The following IK variants were observed in gnomAD, a reference collection of about 807,000 sequenced individuals.
The protein encoded by IK is IK cytokine, also known as protein Red.
A neutral mutation model predicts 90.9 loss-of-function variants in IK; 47 were observed. That is an observed-to-expected ratio of 0.52 (90% CI 0.41 to 0.66). The LOEUF is 0.66. IK is among the 30% of genes least tolerant of loss of function. The pLI is 0.00. For synonymous variants in IK, 201 were observed against 227.5 expected (o/e 0.88, Z 1.05); for missense variants, 385 against 709.3 (o/e 0.54, Z 5.19).
Position 140,657,627 on chromosome 5 carries a change from G to C in IK, c.875G>C (p.Gly292Ala). The C allele has an allele frequency of 6.2e-7, 1 of 1,613,260 alleles. No individual in the cohort carries two copies. Among genetic ancestry groups the C allele is most frequent in the Non-Finnish European group, 8.5e-7 (1 of 1,179,440 alleles). ...CAGATCCTTTCATACCTGAGGCAGGGAACCCGTAACAAGAAGCTTAAGAAG... is the reference window on the plus strand; with the variant it reads ...CAGATCCTTTCATACCTGAGGCAGGCAACCCGTAACAAGAAGCTTAAGAAG... ...LTQILSYLRQGTRNKKLKKKD... is the reference protein window; with the variant it reads ...LTQILSYLRQATRNKKLKKKD... The change falls in exon 10 of 20, where the codon GGA becomes GCA. Residue 292 changes from glycine to alanine, a missense_variant. Transcript: ENST00000417647.
rs560622619 is a variant in IK at position 140,659,712 on chromosome 5, AGAGCCTCAGTTCAAG to A, written c.1196-42_1196-28del. The A allele has an allele frequency of 4.5e-4, 559 of 1,254,590 alleles. 1 individual carries two copies. In the African/African-American group the frequency reaches 7.8e-3, roughly 17 times the overall value. 77.7% of individuals were successfully genotyped at this position (1,254,590 alleles called of 1,614,324 possible). On this transcript the variant is annotated intron_variant, in intron 13 of 19. Transcript: ENST00000417647. ...AGTGTGTTGTGGGGAGGAGGTTGTG[AGAGCCTCAGTTCAAG>A]GTCTGGGCTGAGTTCTCTTTTCTCC...
Position 140,662,424 on chromosome 5 carries a change from G to A in IK, c.*95G>A. 7.5e-7 allele frequency: 1 copy of A among 1,334,972 alleles called. No individual in the cohort carries two copies. The allele number at this position is 1,334,972 out of a possible 1,614,324, so 82.7% of individuals were successfully genotyped here. ...GGTTGCAAGATGTTTTTTTGTGGAT[G>A]AATATAAAATTTTATTGTGTAATTA... On this transcript the variant is annotated 3_prime_UTR_variant, in exon 20 of 20. Coordinates refer to ENST00000417647, the MANE Select transcript of IK (RefSeq NM_006083.4).
chr5:140,661,874 A>G lies in IK; in HGVS notation c.1503-25A>G. Reference sequence around the variant, plus strand: ...GCCACTGCTATGCAATCTCTGATGCATTCTTTCCCAACTGCTTTTTTCAGG... The same window carrying G: ...GCCACTGCTATGCAATCTCTGATGCGTTCTTTCCCAACTGCTTTTTTCAGG... On this transcript the variant is annotated intron_variant, in intron 17 of 19. Transcript: ENST00000417647. This position sits in a 1 kb window ranked among gnomAD's most constrained non-coding sequence, Gnocchi z 4.2. 1 of 1,581,416 alleles carries G rather than the reference A, an allele frequency of 6.3e-7. No homozygotes were observed.
chr5:140,655,029 G>T (rs978964030), intron 8 of IK, among the ~76,000 whole-genome samples: 1 of 151,752 alleles, frequency 6.6e-6, no homozygotes, highest in African/African-American at 2.4e-5. Flanking sequence ...TGCCCAGGCC[G>T]GTCTCAAACT....
In IK at chr5:140,647,862, G is replaced by T. The variant is rs1757502984; in HGVS notation, c.-47G>T. 6.2e-7 allele frequency: 1 copy of T among 1,612,308 alleles called. No homozygotes were observed. Among genetic ancestry groups the T allele is most frequent in the Admixed American group, 1.7e-5 (1 of 60,000 alleles). On this transcript the variant is annotated 5_prime_UTR_variant, in exon 1 of 20. Coordinates refer to ENST00000417647, the MANE Select transcript of IK (RefSeq NM_006083.4). ...GGAAAGAGCTTGTCGCTGCGGTGTTGCTGTTGGAGACTCGATTGTTGGTGA... is the reference window on the plus strand; with the variant it reads ...GGAAAGAGCTTGTCGCTGCGGTGTTTCTGTTGGAGACTCGATTGTTGGTGA...
At position 140,662,004 on chromosome 5, in the gene IK, T is replaced by C. The variant is rs61753958; in HGVS notation, c.1608T>C (p.Ser536=). ...TTGATCGCCAGTGGAAGAAGATTAG[T>C]GCAGTAAGTAGGATGGCCCCTTGGG... ...AELDRQWKKI[S]AIIEKRKKME... The change falls in exon 18 of 20, where the codon AGT becomes AGC. Residue 536 remains serine, a synonymous_variant. Transcript: ENST00000417647. 1,140 of 1,604,204 alleles carry C rather than the reference T, an allele frequency of 7.1e-4. 7 individuals are homozygous for C. In the African/African-American group the frequency reaches 0.014, roughly 19 times the overall value.
At chr5:140,654,906 C>T (rs1757680683) in intron 8 of IK, among the ~76,000 whole-genome samples, 179 bp downstream of exon 8, 1 of 152,072 alleles carries the variant, frequency 6.6e-6, no homozygotes, top group Non-Finnish European at 1.5e-5. Context: ...TGGCTCAGTG[C>T]AGCCTTGACC....
At chr5:140,649,425 G>T (rs1757575402) in intron 2 of IK, among the ~76,000 whole-genome samples, 1 of 150,780 alleles carries the variant, frequency 6.6e-6, no homozygotes, top group Non-Finnish European at 1.5e-5. Flanking sequence ...GTGTTCGTCA[G>T]GCTGGTCTTG....
intron 10 of IK, 110 bp downstream of exon 10, chr5:140,657,772 C>T: frequency 1.4e-6 from 1 of 699,786 alleles, no homozygotes; most frequent in Non-Finnish European, 2.5e-6. Context: ...TCCTGGGAAG[C>T]AGAGAAAAAT....
chr5:140,653,274 C>T, intron 5 of IK, 130 bp downstream of exon 5: 1 of 630,178 alleles, frequency 1.6e-6, no homozygotes, highest in Non-Finnish European at 2.6e-6. Context: ...TTGCCACCCA[C>T]AAAGGGCTGT....
At chr5:140,651,916 C>A in intron 3 of IK, 110 bp downstream of exon 3, 1 of 845,296 alleles carries the variant, frequency 1.2e-6, no homozygotes, top group Non-Finnish European at 2.0e-6. Flanking sequence ...TTATGATACT[C>A]TCTAAAGTTT....
In IK at chr5:140,647,849, T is replaced by G; in HGVS notation, c.-60T>G. On this transcript the variant is annotated 5_prime_UTR_variant, in exon 1 of 20. Transcript: ENST00000417647. Reference sequence around the variant, plus strand: ...GAGGTGCACTGTGGGAAAGAGCTTGTCGCTGCGGTGTTGCTGTTGGAGACT... The same window carrying G: ...GAGGTGCACTGTGGGAAAGAGCTTGGCGCTGCGGTGTTGCTGTTGGAGACT... 6.2e-7 allele frequency: 1 copy of G among 1,605,554 alleles called. No individual in the cohort carries two copies. The highest frequency in any genetic ancestry group is 8.5e-7 in the Non-Finnish European group (1 of 1,172,220).
At chr5:140,655,110 T>G (rs528528274) in intron 8 of IK, among the ~76,000 whole-genome samples, 8 of 152,238 alleles carry the variant, frequency 5.3e-5, no homozygotes, top group African/African-American at 9.6e-5. Context: ...CCAAAACAAC[T>G]AACTCCCATA....
chr5:140,651,887 T>G, intron 3 of IK, 81 bp downstream of exon 3: 1 of 948,700 alleles, frequency 1.1e-6, no homozygotes, highest in Non-Finnish European at 1.7e-6. Flanking sequence ...AGAATGACTT[T>G]TAATAGTCCC....
Position 140,652,163 on chromosome 5 carries a change from A to G in IK, c.236+16A>G, listed in dbSNP as rs747352464. ...AAAAGAAAAGGTGAAGGAAGGGTGAAGGGTTTTAGATTTTAAGGTGGATAG... is the reference window on the plus strand; with the variant it reads ...AAAAGAAAAGGTGAAGGAAGGGTGAGGGGTTTTAGATTTTAAGGTGGATAG... On this transcript the variant is annotated intron_variant, in intron 4 of 19. Coordinates refer to ENST00000417647, the MANE Select transcript of IK (RefSeq NM_006083.4). 8.1e-6 allele frequency: 13 copies of G among 1,604,016 alleles called. No homozygotes were observed. The highest frequency in any genetic ancestry group is 1.1e-5 in the Non-Finnish European group (13 of 1,170,938).
intron 12 of IK, 63 bp from the exon 13 acceptor site, chr5:140,659,252 G>A (rs1365310495): frequency 5.6e-6 from 9 of 1,612,964 alleles, no homozygotes; most frequent in Admixed American, 1.7e-5. Flanking sequence ...TTTCAAACTT[G>A]GGGGAGGGAT....
intron 2 of IK, among the ~76,000 whole-genome samples, chr5:140,649,898 T>C (rs983841163): frequency 2.6e-5 from 4 of 152,246 alleles, no homozygotes; most frequent in Non-Finnish European, 5.9e-5. Context: ...CAACATTGCT[T>C]TGTGATTTAA....
chr5:140,656,218 A>G (rs1298089559), intron 9 of IK, among the ~76,000 whole-genome samples: 1 of 152,172 alleles, frequency 6.6e-6, no homozygotes, highest in Non-Finnish European at 1.5e-5. Flanking sequence ...TTAGAGACCA[A>G]GTCTCACTCT....
At chr5:140,653,745 C>T (rs1217880184) in intron 5 of IK, among the ~76,000 whole-genome samples, 193 bp from the exon 6 acceptor site, 1 of 152,036 alleles carries the variant, frequency 6.6e-6, no homozygotes, top group African/African-American at 2.4e-5. Context: ...GCTGGGACTA[C>T]AGGCGCCCAC....
Sources: gnomAD v4.1 joint callset for allele counts (sites outside exome capture counted in the v4.1 genomes callset) on GRCh38, gnomAD v4.1.1 for gene constraint, Gnocchi (gnomAD v3.1) non-coding constraint, MANE v1.5 for transcripts, NCBI Gene and HGNC (gene_info 2026-07-23, HGNC 2026-07-21) for gene names.